The following CLASP2 variants were observed in gnomAD, a reference collection of about 807,000 sequenced individuals.
The protein encoded by CLASP2 is cytoplasmic linker associated protein 2, also known as CLIP-associating protein 2.
In CLASP2, 47 loss-of-function variants were observed where a neutral mutation model predicts 194.4. The observed-to-expected ratio is 0.24, with a 90% CI of 0.19 to 0.31. CLASP2 has a LOEUF of 0.31. CLASP2 is among the 10% of genes least tolerant of loss of function. The pLI is 1.00. For missense variants in CLASP2, 1,445 were observed against 1,823.6 expected, an observed-to-expected ratio of 0.79 and a Z score of 3.78; for synonymous variants, 619 against 633.5, an observed-to-expected ratio of 0.98 and a Z score of 0.34.
chr3:33,621,511 A>C (rs1225204800), intron 11 of CLASP2, among the ~76,000 whole-genome samples: 1 of 152,134 alleles, frequency 6.6e-6, no homozygotes, highest in Non-Finnish European at 1.5e-5. Flanking sequence ...TCTGTTAATA[A>C]TGGCAGTTTT....
At chr3:33,536,833 G>A (rs2057429380) in intron 33 of CLASP2, among the ~76,000 whole-genome samples, 1 of 152,170 alleles carries the variant, frequency 6.6e-6, no homozygotes, top group African/African-American at 2.4e-5. Context: ...TTGGTATGGA[G>A]GATGAGAAAA....
intron 17 of CLASP2, among the ~76,000 whole-genome samples, chr3:33,603,507 G>A (rs1451156773): frequency 6.6e-6 from 1 of 152,146 alleles, no homozygotes; most frequent in Non-Finnish European, 1.5e-5. Flanking sequence ...AAAAATACAA[G>A]AAAAACTAGT....
rs1290345278 is a variant in CLASP2 at position 33,675,715 on chromosome 3, A to C, written c.644+8644T>G. ...ATTGTCTCAGCCCAAAATCTCCTTA[A>C]GTTGATAAGCAACTTCAGCAAAGTC... On this transcript the variant is annotated intron_variant, in intron 6 of 38. Coordinates refer to ENST00000682230, the MANE Select transcript of CLASP2 (RefSeq NM_001365631.1). Among the ~76,000 whole-genome samples, 3 of 144,414 alleles carry C rather than the reference A, an allele frequency of 2.1e-5. 1 individual carries two copies. The East Asian group carries it at 6.3e-4, about 30-fold the overall frequency. The allele number at this position is 144,414 out of a possible 152,430, so 94.7% of individuals were successfully genotyped here.
intron 34 of CLASP2, among the ~76,000 whole-genome samples, chr3:33,526,987 G>A (rs904238106): frequency 2.6e-5 from 4 of 152,180 alleles, no homozygotes; most frequent in Non-Finnish European, 5.9e-5. Flanking sequence ...GCAGTGTTAA[G>A]AGGTAAATTC....
chr3:33,554,102 C>T (rs1204686694), intron 29 of CLASP2, among the ~76,000 whole-genome samples: 4 of 151,932 alleles, frequency 2.6e-5, no homozygotes, highest in Admixed American at 6.6e-5. Context: ...GTGGTGGGCG[C>T]CTGTAATCCC....
chr3:33,584,121 GGCTGAACTATAACA>G (rs1185447728), intron 22 of CLASP2, among the ~76,000 whole-genome samples: 1 of 151,896 alleles, frequency 6.6e-6, no homozygotes, highest in East Asian at 1.9e-4. Flanking sequence ...ATTTGAATAG[GGCTGAACTATAACA>G]CGAATGTCAA....
intron 32 of CLASP2, among the ~76,000 whole-genome samples, chr3:33,542,986 A>C (rs2058613069): frequency 6.6e-6 from 1 of 152,216 alleles, no homozygotes; most frequent in African/African-American, 2.4e-5. Flanking sequence ...CTTTCAAATA[A>C]AATTTTTTTC....
rs2048189726 is a variant in CLASP2, at chr3:33,506,377, C to CAAAAAAAAAAAA, written c.4317+4180_4317+4181insTTTTTTTTTTTT. ...TGGGTGACAGAGTGAGACTCTGTCTCGAAAAAAAAAAAAAAAAAAAAAAAA... is the reference window on the plus strand; with the variant it reads ...TGGGTGACAGAGTGAGACTCTGTCTCAAAAAAAAAAAAGAAAAAAAAAAAAAAAAAAAAAAAA... On this transcript the variant is annotated intron_variant, in intron 37 of 38. Coordinates refer to ENST00000682230, the MANE Select transcript of CLASP2 (RefSeq NM_001365631.1). 9.9e-3 allele frequency among the ~76,000 whole-genome samples: 614 copies of CAAAAAAAAAAAA among 61,862 alleles called. 195 individuals are homozygous for CAAAAAAAAAAAA. Among genetic ancestry groups the CAAAAAAAAAAAA allele is most frequent in the African/African-American group, 0.034 (596 of 17,526 alleles). 40.6% of individuals were successfully genotyped at this position (61,862 alleles called of 152,430 possible).
At chr3:33,579,153 A>C (rs1215930995) in intron 23 of CLASP2, among the ~76,000 whole-genome samples, 2 of 152,214 alleles carry the variant, frequency 1.3e-5, no homozygotes, top group Admixed American at 6.5e-5. Flanking sequence ...TGGCTATAAA[A>C]AAGCCAATTC....
At chr3:33,577,227 G>T (rs558277186) in intron 23 of CLASP2, 1 of 1,597,862 alleles carries the variant, frequency 6.3e-7, no homozygotes, top group South Asian at 1.1e-5. Flanking sequence ...CTTCGGGGGC[G>T]TAGAGGGCAC....
intron 6 of CLASP2, among the ~76,000 whole-genome samples, chr3:33,675,880 C>T (rs576630146): frequency 0.029 from 4,372 of 149,064 alleles, 186 homozygotes; most frequent in African/African-American, 0.097. Context: ...TTACAAGGGA[C>T]GTGAAGGACC....
At chr3:33,560,239 CT>C (rs902874876) in intron 28 of CLASP2, among the ~76,000 whole-genome samples, 70 of 145,364 alleles carry the variant, frequency 4.8e-4, no homozygotes, top group East Asian at 6.0e-4. Flanking sequence ...GCTGATACTT[CT>C]TTTTTTTTTT....
At chr3:33,615,155 TA>T (rs1303622010) in intron 12 of CLASP2, among the ~76,000 whole-genome samples, 1 of 150,964 alleles carries the variant, frequency 6.6e-6, no homozygotes, top group Non-Finnish European at 1.5e-5. Flanking sequence ...CAGAATCAAT[TA>T]AAAAAAGGGA....
intron 8 of CLASP2, among the ~76,000 whole-genome samples, chr3:33,640,513 A>ATAC (rs748622282): frequency 1.3e-4 from 20 of 152,162 alleles, no homozygotes; most frequent in Non-Finnish European, 2.4e-4. Flanking sequence ...TACAGAGAAA[A>ATAC]TACACTGTCC....
chr3:33,496,340 G>A lies in CLASP2; in HGVS notation c.*2291C>T, dbSNP rs1405213856. 1 of 152,096 alleles carries A rather than the reference G, an allele frequency of 6.6e-6. No individual in the cohort carries two copies. Among genetic ancestry groups the A allele is most frequent in the Non-Finnish European group, 1.5e-5 (1 of 68,018 alleles). The allele number at this position is 152,096 out of a possible 1,614,324, so 9.4% of individuals were successfully genotyped here. A position where few individuals can be genotyped will look rare whatever the true frequency, so the allele number is the denominator to read the frequency against. ...ATTAATTTGGGAGAGAATAGCAGGA[G>A]GAAAAATATAAACAGTAGCTTTTTG... On this transcript the variant is annotated 3_prime_UTR_variant, in exon 39 of 39. Coordinates refer to ENST00000682230, the MANE Select transcript of CLASP2 (RefSeq NM_001365631.1).
At chr3:33,670,380 A>G (rs748148996) in intron 6 of CLASP2, among the ~76,000 whole-genome samples, 20 of 152,210 alleles carry the variant, frequency 1.3e-4, no homozygotes, top group African/African-American at 4.6e-4. Context: ...AGATTTGTAT[A>G]CTAATGATTC....
intron 37 of CLASP2, chr3:33,504,646 G>A (rs2047648772): frequency 6.6e-6 from 1 of 152,302 alleles, no homozygotes; most frequent in African/African-American, 2.4e-5. Context: ...GACTGGTTTT[G>A]TGGAAGGCAA....
chr3:33,571,559 C>G (rs141238083), intron 25 of CLASP2, among the ~76,000 whole-genome samples: 1 of 150,924 alleles, frequency 6.6e-6, no homozygotes, highest in Non-Finnish European at 1.5e-5. Context: ...TGCTTGAACC[C>G]GGGGGGCAGA....
At chr3:33,602,301 A>G in intron 18 of CLASP2, 2 of 503,980 alleles carry the variant, frequency 4.0e-6, no homozygotes, top group Non-Finnish European at 3.5e-6. Context: ...GTTGGTGCTC[A>G]AAAAGTTTCA....
Sources: allele counts gnomAD v4.1 joint callset (sites outside exome capture counted in the v4.1 genomes callset), GRCh38; gene constraint gnomAD v4.1.1; transcripts MANE v1.5; gene names NCBI Gene and HGNC (gene_info 2026-07-23, HGNC 2026-07-21).